Variants in EIF3L observed in about 807,000 individuals in gnomAD.
The protein encoded by EIF3L is eIEF associated protein HSPC021.
EIF3L carries 32 observed loss-of-function variants against 74.6 expected under a neutral mutation model. The observed-to-expected ratio is 0.43, with a 90% CI of 0.32 to 0.58. The LOEUF is 0.58. EIF3L is among the 20% of genes least tolerant of loss of function. The probability of loss-of-function intolerance (pLI) is 0.06; values close to 1 mark genes in which losing one functional copy is unlikely to be tolerated. For missense variants in EIF3L, 474 were observed against 707.8 expected (o/e 0.67, Z 3.75); for synonymous variants, 256 against 254.4 (o/e 1.01, Z -0.06).
rs765784918 is a variant in EIF3L at position 37,875,917 on chromosome 22, G to A, written c.983G>A (p.Arg328His). The A allele has an allele frequency of 1.9e-6, 3 of 1,614,042 alleles. No individual in the cohort carries two copies. Among genetic ancestry groups the A allele is most frequent in the Non-Finnish European group, 2.5e-6 (3 of 1,180,002 alleles). The change falls in exon 10 of 13, where the codon CGT becomes CAT. Residue 328 changes from arginine (R) to histidine (H), a missense_variant. Arg to His is a conservative substitution (Grantham distance 29). Around this residue, in one of 4 missense-constraint regions of EIF3L, gnomAD observed 293 missense variants for 469.1 expected, o/e 0.62. Transcript: ENST00000652021. Reference protein sequence around the residue: ...YVGFAYLMMRRYQDAIRVFAN... With the variant: ...YVGFAYLMMRHYQDAIRVFAN... ...GGGTTTGCATATTTGATGATGCGTC[G>A]TTACCAGGATGCCATCCGGGTCTTC...
In EIF3L at chr22:37,870,344, G is replaced by A. The variant is rs1379761675; in HGVS notation, c.748G>A (p.Gly250Arg). 4.4e-6 allele frequency: 7 copies of A among 1,601,978 alleles called. No individual in the cohort carries two copies. Among genetic ancestry groups the A allele is most frequent in the South Asian group, 3.3e-5 (3 of 89,746 alleles). The change falls in exon 8 of 13, where the codon GGA (glycine) becomes AGA (arginine). Residue 250 changes from glycine (G) to arginine (R), a missense_variant. Coordinates refer to ENST00000652021, the MANE Select transcript of EIF3L (RefSeq NM_016091.4). ...CCGACAGTTGGAGGTATACACAAGC[G>A]GAGGTGAGTGCAGCAGGCCGACAGC... is the stretch of plus-strand genomic sequence containing the variant. ...INRQLEVYTS[G>R]GDPESVAGEY...
chr22:37,873,238 C>G (rs1926567503), intron 8 of EIF3L, among the ~76,000 whole-genome samples: 1 of 151,860 alleles, frequency 6.6e-6, no homozygotes, highest in Non-Finnish European at 1.5e-5. Context: ...ATACGTCCGC[C>G]TCGGCCTCCC....
chr22:37,868,461 T>C (rs553209597), intron 7 of EIF3L, among the ~76,000 whole-genome samples: 1 of 150,046 alleles, frequency 6.7e-6, no homozygotes, highest in Non-Finnish European at 1.5e-5. Context: ...TATTCTTTTT[T>C]TTTCCCCCCT....
Position 37,874,350 on chromosome 22 carries a change from A to G in EIF3L, c.752-20A>G, listed in dbSNP as rs1451587675. On this transcript the variant is annotated intron_variant, in intron 8 of 12. Coordinates refer to ENST00000652021, the MANE Select transcript of EIF3L (RefSeq NM_016091.4). ...CTTTACCTGCCTCCTATCAGTATTC[A>G]CGGTGTCTGTCTCTTTCAGGTGACC... 9 of 1,611,242 alleles carry G rather than the reference A, an allele frequency of 5.6e-6. No homozygotes were observed. The Admixed American group carries it at 1.5e-4, about 27-fold the overall frequency.
chr22:37,858,350 G>A (rs568656214), intron 4 of EIF3L, among the ~76,000 whole-genome samples: 9 of 147,342 alleles, frequency 6.1e-5, no homozygotes, highest in Admixed American at 2.8e-4. Flanking sequence ...TTAGCCTGCC[G>A]AGTAGCTGGG....
chr22:37,858,117 A>G (rs1347247550), intron 4 of EIF3L, among the ~76,000 whole-genome samples: 1 of 151,718 alleles, frequency 6.6e-6, no homozygotes, highest in African/African-American at 2.4e-5. Context: ...TCGAGGCTGC[A>G]GTGAGCCATG....
intron 5 of EIF3L, among the ~76,000 whole-genome samples, chr22:37,859,643 A>G (rs1925746767): frequency 2.0e-5 from 3 of 151,126 alleles, no homozygotes; most frequent in Admixed American, 6.6e-5. Context: ...TGGCCTCCCA[A>G]AGTGCTGGGA....
At position 37,874,671 on chromosome 22, in the gene EIF3L, C is replaced by A. The variant is rs540760289; in HGVS notation, c.906+147C>A. On this transcript the variant is annotated intron_variant, in intron 9 of 12. Coordinates refer to ENST00000652021, the MANE Select transcript of EIF3L (RefSeq NM_016091.4). ...AAAGTTGAGACTAAAACTGGGCAAA[C>A]AGCTGTGGTAAAAAGCTAGACCTGG... The A allele has an allele frequency of 1.5e-4, 142 of 964,672 alleles. No homozygotes were observed. The Middle Eastern group carries it at 1.8e-3, about 12-fold the overall frequency. 59.8% of individuals were successfully genotyped at this position (964,672 alleles called of 1,614,324 possible). A position where few individuals can be genotyped will look rare whatever the true frequency, so the allele number is the denominator to read the frequency against.
chr22:37,868,651 T>G (rs1197761485), intron 7 of EIF3L, among the ~76,000 whole-genome samples: 1 of 104,544 alleles, frequency 9.6e-6, no homozygotes, highest in African/African-American at 4.0e-5. Context: ...TTTTTTTTTT[T>G]TTTTTTTTGA....
At chr22:37,882,575 G>C (rs1415616274) in intron 11 of EIF3L, 3 of 152,126 alleles carry the variant, frequency 2.0e-5, no homozygotes, top group African/African-American at 7.2e-5. Context: ...TACTCGGGAG[G>C]CTGAGGCACG....
Position 37,875,838 on chromosome 22 carries a change from C to T in EIF3L, c.907-3C>T, listed in dbSNP as rs771156248. The T allele has an allele frequency of 3.1e-6, 5 of 1,611,912 alleles. No homozygotes were observed. The highest frequency in any genetic ancestry group is 3.4e-6 in the Non-Finnish European group (4 of 1,178,464). On this transcript the variant is annotated splice_region_variant and splice_polypyrimidine_tract_variant and intron_variant, in intron 9 of 12. Coordinates refer to ENST00000652021, the MANE Select transcript of EIF3L (RefSeq NM_016091.4). ...TGAATGTTTGTTCTACCTCCTTCTA[C>T]AGAGTATGTATTCCCGTGTGCCAGA...
At chr22:37,856,566 C>T (rs1005773194) in intron 4 of EIF3L, among the ~76,000 whole-genome samples, 1 of 151,970 alleles carries the variant, frequency 6.6e-6, no homozygotes, top group African/African-American at 2.4e-5. Context: ...AATTGTAGGC[C>T]GGGCGCAGTG....
chr22:37,865,191 C>T (rs1365513313), intron 7 of EIF3L, among the ~76,000 whole-genome samples: 3 of 152,026 alleles, frequency 2.0e-5, no homozygotes, highest in Non-Finnish European at 2.9e-5. Flanking sequence ...ATAGGCTGGG[C>T]GTGGTGGCTC....
chr22:37,854,440 T>TGTTTCTGTGA (rs1925388832), intron 3 of EIF3L, among the ~76,000 whole-genome samples: 1 of 152,080 alleles, frequency 6.6e-6, no homozygotes, highest in Non-Finnish European at 1.5e-5. Context: ...TGAGTGGCTT[T>TGTTTCTGTGA]GTGTTTTGTT....
intron 11 of EIF3L, 197 bp downstream of exon 11, chr22:37,878,368 C>T: frequency 5.2e-6 from 3 of 580,256 alleles, no homozygotes; most frequent in Non-Finnish European, 8.5e-6. Flanking sequence ...TCACTCTAGC[C>T]CAGGAGTTCA....
chr22:37,878,040 A>T lies in EIF3L; in HGVS notation c.1444A>T (p.Thr482Ser). The T allele has an allele frequency of 1.2e-6, 2 of 1,614,042 alleles. No individual in the cohort carries two copies. The highest frequency in any genetic ancestry group is 1.7e-6 in the Non-Finnish European group (2 of 1,180,016). The change falls in exon 11 of 13, where the codon ACA becomes TCA. Residue 482 changes from threonine (T) to serine (S), a missense_variant. Thr to Ser is a moderately conservative substitution (Grantham distance 58, BLOSUM62 1). Coordinates refer to ENST00000652021, the MANE Select transcript of EIF3L (RefSeq NM_016091.4). Reference sequence around the variant, plus strand: ...CAAGCTGGCTGGCTTCCTGGACCTCACAGAGCAGGAGTTCCGGATCCAGCT... The same window carrying T: ...CAAGCTGGCTGGCTTCCTGGACCTCTCAGAGCAGGAGTTCCGGATCCAGCT... Reference protein sequence around the residue: ...VAKLAGFLDLTEQEFRIQLLV... With the variant: ...VAKLAGFLDLSEQEFRIQLLV...
chr22:37,883,458 G>A (rs1927165445), intron 11 of EIF3L: 1 of 151,676 alleles, frequency 6.6e-6, no homozygotes, highest in South Asian at 2.1e-4. Flanking sequence ...GTGGGCGCCT[G>A]TGGTCCCAGC....
intron 4 of EIF3L, among the ~76,000 whole-genome samples, chr22:37,856,570 C>T (rs1925518626): frequency 6.6e-6 from 1 of 152,080 alleles, no homozygotes; most frequent in African/African-American, 2.4e-5. Context: ...GTAGGCCGGG[C>T]GCAGTGGCTC....
Position 37,855,592 on chromosome 22 carries a change from C to G in EIF3L, c.321C>G (p.Phe107Leu). Residue 107 changes from phenylalanine to leucine, a missense_variant, in exon 4 of 13, where the codon TTC (phenylalanine) becomes TTG (leucine). By Grantham distance (22) the Phe-to-Leu change is conservative. Coordinates refer to ENST00000652021, the MANE Select transcript of EIF3L (RefSeq NM_016091.4). Reference sequence around the variant, plus strand: ...GGACCAAGCTGACTGAAAGATTCTTCAAGAATACACCTTGGCCCGAGGCTG... The same window carrying G: ...GGACCAAGCTGACTGAAAGATTCTTGAAGAATACACCTTGGCCCGAGGCTG... Reference protein sequence around the residue: ...NSWTKLTERFFKNTPWPEAEA... With the variant: ...NSWTKLTERFLKNTPWPEAEA... 1 of 1,614,144 alleles carries G rather than the reference C, an allele frequency of 6.2e-7. No homozygotes were observed. Among genetic ancestry groups the G allele is most frequent in the South Asian group, 1.1e-5 (1 of 91,080 alleles).
Sources: allele counts gnomAD v4.1 joint callset (sites outside exome capture counted in the v4.1 genomes callset), GRCh38; gene constraint gnomAD v4.1.1; regional missense constraint gnomAD v4.1.1; transcripts MANE v1.5; gene names NCBI Gene and HGNC (gene_info 2026-07-23, HGNC 2026-07-21).